NUBPL: variants seen among roughly 807,000 people sequenced by gnomAD.
NUBPL encodes iron-sulfur cluster transfer protein NUBPL.
Under a neutral mutation model 45.7 loss-of-function variants are expected in NUBPL, and 31 were observed. The ratio of observed to expected loss-of-function variants is 0.68; its 90% CI spans 0.51 to 0.92. The LOEUF (loss-of-function observed/expected upper bound fraction) is 0.92. Among genes scored for constraint, NUBPL ranks in the 40% least tolerant of loss-of-function variants. NUBPL has a pLI of 0.00. For missense variants in NUBPL, 401 were observed against 398.7 expected (o/e 1.01, Z -0.05); for synonymous variants, 144 against 140.9 (o/e 1.02, Z -0.15).
chr14:31,592,106 G>T (rs918327450), intron 3 of NUBPL, among the ~76,000 whole-genome samples: 4 of 152,152 alleles, frequency 2.6e-5, no homozygotes, highest in Admixed American at 2.6e-4. Context: ...GAGCAGAGAA[G>T]AGAAGAAAAT....
chr14:31,601,220 T>C (rs2034424281), intron 4 of NUBPL, among the ~76,000 whole-genome samples: 4 of 152,228 alleles, frequency 2.6e-5, no homozygotes, highest in African/African-American at 9.6e-5. Flanking sequence ...TGGCTCAGGA[T>C]TGACTTGGTG....
intron 7 of NUBPL, among the ~76,000 whole-genome samples, chr14:31,791,077 T>C (rs760530832): frequency 5.3e-5 from 8 of 152,026 alleles, no homozygotes; most frequent in Non-Finnish European, 1.0e-4. Flanking sequence ...AAGACCATCC[T>C]GGGCAATATA....
intron 7 of NUBPL, among the ~76,000 whole-genome samples, chr14:31,816,630 G>A (rs746987034): frequency 2.0e-4 from 31 of 152,004 alleles, no homozygotes; most frequent in East Asian, 1.2e-3. Flanking sequence ...TTAGGGTGTC[G>A]ATTTTAGATC....
At chr14:31,616,241 T>C (rs2034896220) in intron 4 of NUBPL, among the ~76,000 whole-genome samples, 1 of 152,212 alleles carries the variant, frequency 6.6e-6, no homozygotes, top group Non-Finnish European at 1.5e-5. Flanking sequence ...AGGTTGCCTG[T>C]TCACTCTGAT....
intron 8 of NUBPL, among the ~76,000 whole-genome samples, chr14:31,830,705 G>A (rs947038806): frequency 6.6e-6 from 1 of 152,188 alleles, no homozygotes; most frequent in Admixed American, 6.5e-5. Context: ...TGGATAGCAA[G>A]AAAACATGCT....
intron 6 of NUBPL, among the ~76,000 whole-genome samples, chr14:31,701,672 TA>T (rs1392030376): frequency 2.6e-5 from 4 of 152,274 alleles, no homozygotes; most frequent in African/African-American, 9.6e-5. Context: ...TTAAGAGCTG[TA>T]ACACTCACTG....
chr14:31,728,826 A>T (rs917474024), intron 6 of NUBPL, among the ~76,000 whole-genome samples: 1 of 152,240 alleles, frequency 6.6e-6, no homozygotes, highest in African/African-American at 2.4e-5. Context: ...CTTGAAAGCC[A>T]AAGTTATTAT....
At chr14:31,709,384 C>T (rs1262084095) in intron 6 of NUBPL, among the ~76,000 whole-genome samples, 1 of 152,212 alleles carries the variant, frequency 6.6e-6, no homozygotes, top group Non-Finnish European at 1.5e-5. Context: ...CACAGGTCAA[C>T]AGATGTTTGC....
chr14:31,605,640 T>C (rs2034564763), intron 4 of NUBPL, among the ~76,000 whole-genome samples: 4 of 152,200 alleles, frequency 2.6e-5, no homozygotes, highest in Non-Finnish European at 4.4e-5. Flanking sequence ...AAAATCAGCT[T>C]GAGCAAATGA....
chr14:31,855,496 C>G (rs984657639), intron 10 of NUBPL, among the ~76,000 whole-genome samples: 31 of 152,106 alleles, frequency 2.0e-4, no homozygotes. Flanking sequence ...CAAATAACTC[C>G]TGGTTTCATC....
intron 8 of NUBPL, among the ~76,000 whole-genome samples, chr14:31,842,871 T>G (rs890268896): frequency 7.9e-5 from 12 of 152,312 alleles, no homozygotes; most frequent in African/African-American, 2.9e-4. Context: ...TACATTAATA[T>G]GTTATTTTCT....
At chr14:31,743,632 G>A (rs1240689810) in intron 6 of NUBPL, among the ~76,000 whole-genome samples, 1 of 152,136 alleles carries the variant, frequency 6.6e-6, no homozygotes, top group Non-Finnish European at 1.5e-5. Context: ...TGCCCTCACT[G>A]GCCTCCGAAA....
At chr14:31,670,107 G>C (rs1185609174) in intron 4 of NUBPL, among the ~76,000 whole-genome samples, 1 of 151,952 alleles carries the variant, frequency 6.6e-6, no homozygotes. Flanking sequence ...CCAGTGTGTA[G>C]GTGTTGCCTT....
At chr14:31,639,358 G>C (rs906352429) in intron 4 of NUBPL, among the ~76,000 whole-genome samples, 2 of 152,180 alleles carry the variant, frequency 1.3e-5, no homozygotes, top group East Asian at 1.9e-4. Context: ...TCCAGACTCT[G>C]TTTGCCTGGA....
At chr14:31,799,983 A>G (rs1314751424) in intron 7 of NUBPL, among the ~76,000 whole-genome samples, 1 of 152,216 alleles carries the variant, frequency 6.6e-6, no homozygotes, top group East Asian at 1.9e-4. Flanking sequence ...AAGTGTGTGT[A>G]ATATTCTAAA....
chr14:31,752,046 C>G (rs568269501), intron 6 of NUBPL, among the ~76,000 whole-genome samples: 1 of 152,284 alleles, frequency 6.6e-6, no homozygotes, highest in South Asian at 2.1e-4. Flanking sequence ...AAGGCCCCAC[C>G]CACAAAACCA....
At chr14:31,744,340 A>G (rs961814764) in intron 6 of NUBPL, among the ~76,000 whole-genome samples, 1 of 152,206 alleles carries the variant, frequency 6.6e-6, no homozygotes, top group Non-Finnish European at 1.5e-5. Context: ...TGAATAATTG[A>G]TATTCAGAAT....
intron 7 of NUBPL, among the ~76,000 whole-genome samples, chr14:31,812,603 T>C (rs1205782628): frequency 1.3e-5 from 2 of 152,158 alleles, no homozygotes; most frequent in Admixed American, 6.5e-5. Context: ...GGTGAGGCGA[T>C]GCCCCGCCCT....
Position 31,572,045 on chromosome 14 carries a change from A to G in NUBPL, c.291+6997A>G, listed in dbSNP as rs549878115. Reference sequence around the variant, plus strand: ...TTAAGTAATTTGCCTCAAGTCACCCAGAAAGTAAATGGCAGAGCTAAGGTT... The same window carrying G: ...TTAAGTAATTTGCCTCAAGTCACCCGGAAAGTAAATGGCAGAGCTAAGGTT... On this transcript the variant is annotated intron_variant, in intron 3 of 10. Coordinates refer to ENST00000281081, the MANE Select transcript of NUBPL (RefSeq NM_025152.3). 2.6e-4 allele frequency among the ~76,000 whole-genome samples: 36 copies of G among 140,202 alleles called. No individual in the cohort carries two copies. In the South Asian group the frequency reaches 8.2e-3, roughly 32 times the overall value. The allele number at this position is 140,202 out of a possible 152,430, so 92.0% of individuals were successfully genotyped here. A position where few individuals can be genotyped will look rare whatever the true frequency, so the allele number is the denominator to read the frequency against.
Sources: gnomAD v4.1 joint callset for allele counts (sites outside exome capture counted in the v4.1 genomes callset) on GRCh38, gnomAD v4.1.1 for gene constraint, MANE v1.5 for transcripts, NCBI Gene and HGNC (gene_info 2026-07-23, HGNC 2026-07-21) for gene names.